The following SLC44A5 variants were observed in gnomAD, a reference collection of about 807,000 sequenced individuals.
SLC44A5 encodes solute carrier family 44 member 5.
In SLC44A5, 57 loss-of-function variants were observed where a neutral mutation model predicts 101.8. The ratio of observed to expected loss-of-function variants is 0.56; its 90% CI spans 0.45 to 0.70. The LOEUF (loss-of-function observed/expected upper bound fraction) is 0.70. SLC44A5 is among the 30% of genes least tolerant of loss of function. The pLI is 0.00. For synonymous variants in SLC44A5, 281 were observed against 290.9 expected (o/e 0.97, Z 0.35); for missense variants, 737 against 853.1 (o/e 0.86, Z 1.70).
At chr1:75,480,044 C>T (rs962898791) in intron 2 of SLC44A5, among the ~76,000 whole-genome samples, 3 of 152,186 alleles carry the variant, frequency 2.0e-5, no homozygotes, top group African/African-American at 7.2e-5. Context: ...CATCAAAAAG[C>T]TTATCCACCA....
At chr1:75,598,226 T>C (rs756263560) in intron 1 of SLC44A5, among the ~76,000 whole-genome samples, 39 of 151,620 alleles carry the variant, frequency 2.6e-4, no homozygotes, top group Non-Finnish European at 4.9e-4. Context: ...AAATAAAAAC[T>C]ACAATCTCAC....
intron 2 of SLC44A5, among the ~76,000 whole-genome samples, chr1:75,533,245 GT>G (rs1262679868): frequency 2.0e-5 from 3 of 152,104 alleles, no homozygotes; most frequent in African/African-American, 7.2e-5. Flanking sequence ...TTAATCTAGT[GT>G]CAGTAGAATG....
At chr1:75,692,365 T>G in the SLC44A5 span, among the ~76,000 whole-genome samples, 12 of 151,870 alleles carry the variant, frequency 7.9e-5, no homozygotes, top group African/African-American at 2.4e-4. Context: ...AGCTAATTTT[T>G]TTTGTATTTT....
the SLC44A5 span, among the ~76,000 whole-genome samples, chr1:75,623,991 A>G: frequency 5.9e-5 from 9 of 152,164 alleles, no homozygotes; most frequent in Non-Finnish European, 1.2e-4. Flanking sequence ...AGAAACAGGG[A>G]TCCTTGGAAA....
chr1:75,491,287 C>T (rs74089269), intron 2 of SLC44A5, among the ~76,000 whole-genome samples: 4,019 of 152,180 alleles, frequency 0.026, 169 homozygotes, highest in African/African-American at 0.092. Context: ...AGATAAACAG[C>T]TTGAGGTCGA....
chr1:75,294,617 AGTGTATGTGTGCTT>A (rs1056960965), intron 5 of SLC44A5, among the ~76,000 whole-genome samples: 3 of 152,074 alleles, frequency 2.0e-5, no homozygotes, highest in African/African-American at 7.2e-5. Context: ...AAGAAATTAT[AGTGTATGTGTGCTT>A]GTGTATGTGT....
rs373928480 is a variant in SLC44A5 at position 75,211,500 on chromosome 1, G to T, written c.2015C>A (p.Ala672Glu). Residue 672 changes from alanine (A) to glutamate (E), a missense_variant, in exon 23 of 24, where the codon GCA becomes GAA. Physicochemically the swap from Ala to Glu is moderately radical, Grantham distance 107. Transcript: ENST00000370859. Reference protein sequence around the residue: ...LIAHGFFSVYAMCVETIFICF... With the variant: ...LIAHGFFSVYEMCVETIFICF... Reference sequence around the variant, plus strand: ...GATGAAAATTGTTTCAACACACATTGCATAGACGCTGAAGAACCCATGTGC... The same window carrying T: ...GATGAAAATTGTTTCAACACACATTTCATAGACGCTGAAGAACCCATGTGC... 1.2e-6 allele frequency: 2 copies of T among 1,612,494 alleles called. No individual in the cohort carries two copies. Among genetic ancestry groups the T allele is most frequent in the African/African-American group, 2.7e-5 (2 of 74,836 alleles).
chr1:75,401,686 A>G (rs569316579), intron 2 of SLC44A5, among the ~76,000 whole-genome samples: 2 of 152,034 alleles, frequency 1.3e-5, no homozygotes, highest in Non-Finnish European at 2.9e-5. Flanking sequence ...TGTCATATAG[A>G]AGGCCCCAGC....
intron 2 of SLC44A5, among the ~76,000 whole-genome samples, chr1:75,513,182 G>T (rs1037943567): frequency 5.9e-5 from 9 of 152,202 alleles, no homozygotes; most frequent in African/African-American, 2.2e-4. Flanking sequence ...AAACAGAAGG[G>T]ATAAGTCCAA....
chr1:75,678,078 G>A, the SLC44A5 span, among the ~76,000 whole-genome samples: 44 of 152,328 alleles, frequency 2.9e-4, no homozygotes, highest in African/African-American at 9.4e-4. Context: ...GGCGCACCAC[G>A]AGATTATATC....
chr1:75,414,880 C>G (rs983331), intron 2 of SLC44A5, among the ~76,000 whole-genome samples: 13,866 of 152,078 alleles, frequency 0.091, 817 homozygotes, highest in Admixed American at 0.18. Flanking sequence ...TTATGTGGGG[C>G]CTTGTAGGCT....
chr1:75,346,942 A>G (rs1383521400), intron 3 of SLC44A5, among the ~76,000 whole-genome samples: 2 of 152,168 alleles, frequency 1.3e-5, no homozygotes, highest in African/African-American at 4.8e-5. Flanking sequence ...CATTCGCCCT[A>G]AATATAAAAC....
intron 3 of SLC44A5, among the ~76,000 whole-genome samples, chr1:75,364,451 T>C (rs1015851255): frequency 1.3e-5 from 2 of 152,130 alleles, no homozygotes; most frequent in Non-Finnish European, 2.9e-5. Context: ...CTCACTATCA[T>C]GAGGACAGTA....
chr1:75,485,745 T>A (rs1329171114), intron 2 of SLC44A5, among the ~76,000 whole-genome samples: 1 of 152,120 alleles, frequency 6.6e-6, no homozygotes, highest in East Asian at 1.9e-4. Flanking sequence ...GGGTAATTTA[T>A]AAAGAAAATA....
At chr1:75,209,291 C>T (rs1646807738) in intron 23 of SLC44A5, among the ~76,000 whole-genome samples, 1 of 152,196 alleles carries the variant, frequency 6.6e-6, no homozygotes, top group Non-Finnish European at 1.5e-5. Flanking sequence ...AGGTTCTAGA[C>T]ATTTCCTGAG....
At chr1:75,383,577 T>A (rs996311801) in intron 3 of SLC44A5, among the ~76,000 whole-genome samples, 1 of 152,096 alleles carries the variant, frequency 6.6e-6, no homozygotes, top group Non-Finnish European at 1.5e-5. Flanking sequence ...AATCTACGTC[T>A]GATTGGTGTA....
chr1:75,231,806 A>ATAAACCAAAGTGT (rs1553145763), intron 12 of SLC44A5, among the ~76,000 whole-genome samples: 1 of 152,202 alleles, frequency 6.6e-6, no homozygotes, highest in Non-Finnish European at 1.5e-5. Flanking sequence ...ATAGATGCTC[A>ATAAACCAAAGTGT]TAAACCAAAG....
At chr1:75,656,686 A>G in the SLC44A5 span, among the ~76,000 whole-genome samples, 11 of 152,316 alleles carry the variant, frequency 7.2e-5, no homozygotes, top group African/African-American at 2.2e-4. Flanking sequence ...TTAAAAACAA[A>G]CAGCAGAGAA....
chr1:75,321,129 A>G (rs1390955223), intron 4 of SLC44A5, among the ~76,000 whole-genome samples: 4 of 152,196 alleles, frequency 2.6e-5, no homozygotes, highest in Non-Finnish European at 4.4e-5. Flanking sequence ...ATCTTTGTCT[A>G]TATATAACTA....
Sources: allele counts gnomAD v4.1 joint callset (sites outside exome capture counted in the v4.1 genomes callset), GRCh38; gene constraint gnomAD v4.1.1; transcripts MANE v1.5; gene names NCBI Gene and HGNC (gene_info 2026-07-23, HGNC 2026-07-21).